Variants in SKP1 observed in about 807,000 individuals in gnomAD.
The protein encoded by SKP1 is S-phase kinase-associated protein 1.
In SKP1, 1 loss-of-function variant was observed where a neutral mutation model predicts 21.5. That is an observed-to-expected ratio of 0.05 (90% CI 0.02 to 0.22). SKP1 has a LOEUF of 0.22. Among genes scored for constraint, SKP1 ranks in the 10% least tolerant of loss-of-function variants. The pLI is 1.00. For synonymous variants in SKP1, 59 were observed against 59.3 expected (o/e 0.99, Z 0.03); for missense variants, 70 against 192.0 (o/e 0.36, Z 3.76).
In SKP1 at chr5:134,156,472, C is replaced by G. The variant is rs1180127578; in HGVS notation, c.*1261G>C. 2.6e-5 allele frequency: 4 copies of G among 151,844 alleles called. No homozygotes were observed. The highest frequency in any genetic ancestry group is 9.7e-5 in the African/African-American group (4 of 41,314). 9.4% of individuals were successfully genotyped at this position (151,844 alleles called of 1,614,324 possible). A position where few individuals can be genotyped will look rare whatever the true frequency, so the allele number is the denominator to read the frequency against. On this transcript the variant is annotated 3_prime_UTR_variant, in exon 6 of 6. Transcript: ENST00000353411. ...AGGTGAGATGAAGGCAAACTACTGT[C>G]AAGGGATGATCTGAGCCTGAACAAC...
intron 2 of SKP1, among the ~76,000 whole-genome samples, chr5:134,172,941 G>A (rs891215908): frequency 6.6e-6 from 1 of 151,390 alleles, no homozygotes; most frequent in Non-Finnish European, 1.5e-5. Flanking sequence ...GAACCCGGGG[G>A]GCAGAGGTTG....
At chr5:134,170,375 G>A (rs1761418678) in intron 2 of SKP1, among the ~76,000 whole-genome samples, 1 of 152,168 alleles carries the variant, frequency 6.6e-6, no homozygotes, top group Non-Finnish European at 1.5e-5. Flanking sequence ...TGCACAAGTA[G>A]CAACAGTCAT....
chr5:134,167,584 G>A (rs1022827380), intron 2 of SKP1, among the ~76,000 whole-genome samples: 4 of 151,602 alleles, frequency 2.6e-5, no homozygotes, highest in South Asian at 2.1e-4. Context: ...GTGTAGGGGC[G>A]CCATCTCGGC....
At chr5:134,173,749 C>T in intron 2 of SKP1, 177 bp downstream of exon 2, 1 of 688,980 alleles carries the variant, frequency 1.5e-6, no homozygotes, top group Non-Finnish European at 2.7e-6. Flanking sequence ...CTAATTCAGA[C>T]AATGCAGAAA....
intron 4 of SKP1, among the ~76,000 whole-genome samples, chr5:134,159,312 C>T (rs1490124447): frequency 6.6e-6 from 1 of 152,062 alleles, no homozygotes; most frequent in Non-Finnish European, 1.5e-5. Context: ...TTCCAGATAC[C>T]TTTCTGTTTG....
rs1333493746 is a variant in SKP1 at position 134,151,389 on chromosome 5, C to CT, written c.*6343dup. Reference sequence around the variant, plus strand: ...TACTTGAGGATAGAGTACAGCTTCTCTATTTTCCCACCCCTTTCCGTAAGC... The same window carrying CT: ...TACTTGAGGATAGAGTACAGCTTCTCTTATTTTCCCACCCCTTTCCGTAAGC... On this transcript the variant is annotated 3_prime_UTR_variant, in exon 6 of 6. Coordinates refer to ENST00000353411, the MANE Select transcript of SKP1 (RefSeq NM_170679.3). The CT allele has an allele frequency of 1.8e-5, 4 of 220,434 alleles. No individual in the cohort carries two copies. The highest frequency in any genetic ancestry group is 9.0e-5 in the African/African-American group (4 of 44,236). 13.7% of individuals were successfully genotyped at this position (220,434 alleles called of 1,614,324 possible).
rs1367257917 is a variant in SKP1 at position 134,150,243 on chromosome 5, T to C, written c.*7490A>G. Reference sequence around the variant, plus strand: ...CCCATGGATGGACTCTCTTCTGACATGTAATTATCTTTTGAATGGCTCCTG... The same window carrying C: ...CCCATGGATGGACTCTCTTCTGACACGTAATTATCTTTTGAATGGCTCCTG... On this transcript the variant is annotated 3_prime_UTR_variant, in exon 6 of 6. Coordinates refer to ENST00000353411, the MANE Select transcript of SKP1 (RefSeq NM_170679.3). 2 of 152,280 alleles carry C rather than the reference T, an allele frequency of 1.3e-5. No individual in the cohort carries two copies. Among genetic ancestry groups the C allele is most frequent in the South Asian group, 2.1e-4 (1 of 4,824 alleles). 9.4% of individuals were successfully genotyped at this position (152,280 alleles called of 1,614,324 possible).
rs2149370722 is a variant in SKP1 at position 134,149,022 on chromosome 5, T to C, written c.*8711A>G. 1.3e-5 allele frequency: 2 copies of C among 152,342 alleles called. No homozygotes were observed. Among genetic ancestry groups the C allele is most frequent in the South Asian group, 4.1e-4 (2 of 4,830 alleles). The allele number at this position is 152,342 out of a possible 1,614,324, so 9.4% of individuals were successfully genotyped here. A position where few individuals can be genotyped will look rare whatever the true frequency, so the allele number is the denominator to read the frequency against. On this transcript the variant is annotated 3_prime_UTR_variant, in exon 6 of 6. Coordinates refer to ENST00000353411, the MANE Select transcript of SKP1 (RefSeq NM_170679.3). ...TTAGGGGGTACAAATGCAGCTGTGT[T>C]ACATGAATATATTGTGTAGCGGTGA...
At chr5:134,175,915 G>C (rs552281181) in intron 1 of SKP1, among the ~76,000 whole-genome samples, 1 of 139,356 alleles carries the variant, frequency 7.2e-6, no homozygotes, top group Non-Finnish European at 1.5e-5. Flanking sequence ...CATAAAGCGG[G>C]TTCTATCACA....
intron 2 of SKP1, chr5:134,173,715 C>G (rs565175190): frequency 1.5e-6 from 1 of 650,398 alleles, no homozygotes; most frequent in East Asian, 3.2e-5. Flanking sequence ...TGATTTTATC[C>G]ATTTAATGAG....
chr5:134,165,468 T>C (rs1761311110), intron 3 of SKP1, among the ~76,000 whole-genome samples: 1 of 150,678 alleles, frequency 6.6e-6, no homozygotes, highest in African/African-American at 2.5e-5. Context: ...CGGGTGTCTG[T>C]AATCCCAGCT....
At position 134,152,534 on chromosome 5, in the gene SKP1, C is replaced by G. The variant is rs1418138170; in HGVS notation, c.*5199G>C. The G allele has an allele frequency of 6.6e-6, 1 of 151,508 alleles. No individual in the cohort carries two copies. Among genetic ancestry groups the G allele is most frequent in the East Asian group, 1.9e-4 (1 of 5,194 alleles). 9.4% of individuals were successfully genotyped at this position (151,508 alleles called of 1,614,324 possible). On this transcript the variant is annotated 3_prime_UTR_variant, in exon 6 of 6. Transcript: ENST00000353411. Reference sequence around the variant, plus strand: ...CCCCCCATTGGCTCATTAATCTGTTCTGTCCAGAAACTTTTTTTTTTTGAA... The same window carrying G: ...CCCCCCATTGGCTCATTAATCTGTTGTGTCCAGAAACTTTTTTTTTTTGAA...
intron 3 of SKP1, among the ~76,000 whole-genome samples, chr5:134,162,655 G>A (rs1049043270): frequency 6.6e-6 from 1 of 152,128 alleles, no homozygotes; most frequent in Non-Finnish European, 1.5e-5. Context: ...CCAAAGTGCT[G>A]GGATTACAGG....
Position 134,173,948 on chromosome 5 carries a change from C to T in SKP1, c.75G>A (p.Val25=). The T allele has an allele frequency of 6.2e-7, 1 of 1,606,116 alleles. No homozygotes were observed. Among genetic ancestry groups the T allele is most frequent in the Non-Finnish European group, 8.5e-7 (1 of 1,172,988 alleles). The change falls in exon 2 of 6, where the codon GTG becomes GTA. Residue 25 remains valine (V), a synonymous_variant. Coordinates refer to ENST00000353411, the MANE Select transcript of SKP1 (RefSeq NM_170679.3). ...EVDVEIAKQS[V]TIKTMLEDLG... ...TACCTTCCAACATGGTCTTAATAGT[C>T]ACAGATTGTTTGGCAATTTCCACAT...
chr5:134,162,755 C>T (rs1023342229), intron 3 of SKP1, among the ~76,000 whole-genome samples: 2 of 151,814 alleles, frequency 1.3e-5, no homozygotes, highest in South Asian at 4.2e-4. Context: ...AATTTAAAAA[C>T]GTCAATATTT....
chr5:134,163,683 G>A (rs935341543), intron 3 of SKP1, among the ~76,000 whole-genome samples: 3 of 151,790 alleles, frequency 2.0e-5, no homozygotes, highest in Non-Finnish European at 2.9e-5. Flanking sequence ...CCAGCTACTC[G>A]GGAGGCTGAG....
chr5:134,150,702 G>C lies in SKP1; in HGVS notation c.*7031C>G, dbSNP rs1761030879. On this transcript the variant is annotated 3_prime_UTR_variant, in exon 6 of 6. Transcript: ENST00000353411. ...ACAGCTGCCCACCCAAGCAGACCCTGGTTGTGTCAACTCCCCCAATCCCAA... is the reference window on the plus strand; with the variant it reads ...ACAGCTGCCCACCCAAGCAGACCCTCGTTGTGTCAACTCCCCCAATCCCAA... The C allele has an allele frequency of 6.6e-6, 1 of 152,084 alleles. No homozygotes were observed. The highest frequency in any genetic ancestry group is 1.5e-5 in the Non-Finnish European group (1 of 68,016). The allele number at this position is 152,084 out of a possible 1,614,324, so 9.4% of individuals were successfully genotyped here.
Position 134,157,465 on chromosome 5 carries a change from G to C in SKP1, c.*268C>G. The C allele has an allele frequency of 3.0e-6, 1 of 335,362 alleles. No individual in the cohort carries two copies. The highest frequency in any genetic ancestry group is 5.0e-5 in the East Asian group (1 of 20,106). The allele number at this position is 335,362 out of a possible 1,614,324, so 20.8% of individuals were successfully genotyped here. ...CATTGCTTTACAAAAAAGAGGGAAAGCCCAAAATGCCACTTATAGAGAACC... is the reference window on the plus strand; with the variant it reads ...CATTGCTTTACAAAAAAGAGGGAAACCCCAAAATGCCACTTATAGAGAACC... On this transcript the variant is annotated 3_prime_UTR_variant, in exon 6 of 6. Coordinates refer to ENST00000353411, the MANE Select transcript of SKP1 (RefSeq NM_170679.3).
chr5:134,175,721 C>A (rs1383696946), intron 1 of SKP1, among the ~76,000 whole-genome samples: 1 of 152,188 alleles, frequency 6.6e-6, no homozygotes, highest in Non-Finnish European at 1.5e-5. Context: ...ATCGGTTAAT[C>A]TGTAATTCGA....
Sources: allele counts gnomAD v4.1 joint callset (sites outside exome capture counted in the v4.1 genomes callset), GRCh38; gene constraint gnomAD v4.1.1; transcripts MANE v1.5; gene names NCBI Gene and HGNC (gene_info 2026-07-23, HGNC 2026-07-21).